Variants in ALDH1A1 observed in about 807,000 individuals in gnomAD.
ALDH1A1 encodes aldehyde dehydrogenase 1A1.
ALDH1A1 carries 19 observed loss-of-function variants against 62.1 expected under a neutral mutation model. The observed-to-expected ratio is 0.31, with a 90% CI of 0.21 to 0.45. ALDH1A1 has a LOEUF of 0.45. Ranked by LOEUF, ALDH1A1 falls within the 20% of genes least tolerant of loss-of-function variation. The pLI is 1.00. For synonymous variants in ALDH1A1, 231 were observed against 215.9 expected, an observed-to-expected ratio of 1.07 and a Z score of -0.61; for missense variants, 521 against 607.1, an observed-to-expected ratio of 0.86 and a Z score of 1.49.
intron 2 of ALDH1A1, among the ~76,000 whole-genome samples, chr9:72,936,806 T>C (rs1242960177): frequency 1.3e-5 from 2 of 152,100 alleles, no homozygotes; most frequent in Non-Finnish European, 2.9e-5. Flanking sequence ...TTCTTAGGTG[T>C]CAAAACTCTT....
chr9:72,925,982 A>T (rs1830200277), intron 5 of ALDH1A1, among the ~76,000 whole-genome samples: 1 of 152,210 alleles, frequency 6.6e-6, no homozygotes, highest in East Asian at 1.9e-4. Context: ...ATTTATTGTA[A>T]TTATTTACCC....
chr9:72,937,060 T>A (rs1174987814), intron 2 of ALDH1A1, among the ~76,000 whole-genome samples: 4 of 152,182 alleles, frequency 2.6e-5, no homozygotes, highest in African/African-American at 9.7e-5. Flanking sequence ...TGAGACAGGC[T>A]AAATTTTGAG....
chr9:72,933,011 A>G (rs1209154015), intron 2 of ALDH1A1, among the ~76,000 whole-genome samples: 1 of 152,240 alleles, frequency 6.6e-6, no homozygotes, highest in Non-Finnish European at 1.5e-5. Context: ...ACATCCCTAA[A>G]GAATGCTGCT....
At chr9:72,952,891 T>C in intron 1 of ALDH1A1, 44 bp downstream of exon 1, 1 of 1,605,794 alleles carries the variant, frequency 6.2e-7, no homozygotes, top group Non-Finnish European at 8.5e-7. Flanking sequence ...TAAATGCAGT[T>C]TTTGCAAACC....
chr9:72,950,506 TTAATC>T (rs1206722304), intron 1 of ALDH1A1, among the ~76,000 whole-genome samples: 4 of 151,916 alleles, frequency 2.6e-5, no homozygotes, highest in African/African-American at 9.7e-5. Context: ...TGATCTCTCT[TTAATC>T]TACCCCAACA....
intron 1 of ALDH1A1, chr9:72,942,441 C>T (rs999522318): frequency 2.2e-6 from 2 of 901,068 alleles, no homozygotes; most frequent in Non-Finnish European, 2.7e-6. Flanking sequence ...CCTAGGTACC[C>T]TTTTGTATCA....
chr9:72,914,540 A>G (rs1300892807), intron 9 of ALDH1A1, among the ~76,000 whole-genome samples: 1 of 152,104 alleles, frequency 6.6e-6, no homozygotes, highest in Non-Finnish European at 1.5e-5. Context: ...ATCTTTCCAC[A>G]CTATTATAAG....
chr9:72,931,156 T>G, intron 2 of ALDH1A1, 137 bp from the exon 3 acceptor site: 4 of 870,032 alleles, frequency 4.6e-6, no homozygotes, highest in Non-Finnish European at 7.0e-6. Context: ...TCTAACACAT[T>G]GCGCACATTC....
chr9:72,917,568 AAAAC>A (rs1167215206), intron 8 of ALDH1A1, among the ~76,000 whole-genome samples: 1 of 152,180 alleles, frequency 6.6e-6, no homozygotes, highest in African/African-American at 2.4e-5. Context: ...GTGGGAAAGA[AAAAC>A]AAAATAAAAC....
chr9:72,945,113 G>A (rs979194209), intron 1 of ALDH1A1, among the ~76,000 whole-genome samples: 26 of 152,140 alleles, frequency 1.7e-4, no homozygotes, highest in African/African-American at 6.3e-4. Context: ...AAGTTATTAT[G>A]TCTTAATGTA....
intron 11 of ALDH1A1, among the ~76,000 whole-genome samples, chr9:72,908,605 AAGAAAGAAAGAAAGAAAG>A (rs1564622891): frequency 9.5e-4 from 134 of 140,678 alleles, no homozygotes; most frequent in Non-Finnish European, 1.2e-3. Flanking sequence ...GAAAGAAAGA[AAGAAAGAAAGAAAGAAAG>A]AAAGAGAATA....
intron 2 of ALDH1A1, among the ~76,000 whole-genome samples, chr9:72,933,326 T>C (rs1260633760): frequency 6.6e-6 from 1 of 152,158 alleles, no homozygotes; most frequent in African/African-American, 2.4e-5. Context: ...TTCAATCAAA[T>C]GGGAGAGACA....
In ALDH1A1 at chr9:72,912,021, G is replaced by C. The variant is rs1455392610; in HGVS notation, c.1137C>G (p.Gly379=). Residue 379 remains glycine (G), a synonymous_variant, in exon 10 of 13, where the codon GGC becomes GGG. Transcript: ENST00000297785. ...AGAACACTGTGGGCTGGACAAAGTA[G>C]CCTTTATTCCCCCACGGGCCTCCTC... ...ECGGGPWGNK[G]YFVQPTVFSN... is the part of the protein sequence containing the mutation. 1 of 1,613,860 alleles carries C rather than the reference G, an allele frequency of 6.2e-7. No individual in the cohort carries two copies. The highest frequency in any genetic ancestry group is 1.3e-5 in the African/African-American group (1 of 74,894).
chr9:72,925,757 T>G (rs907966170), intron 5 of ALDH1A1, 145 bp from the exon 6 acceptor site: 202 of 866,578 alleles, frequency 2.3e-4, no homozygotes, highest in Non-Finnish European at 2.9e-4. Flanking sequence ...ACTTCATTGC[T>G]AAAAGCAACT....
At chr9:72,928,654 C>T (rs962856270) in intron 4 of ALDH1A1, among the ~76,000 whole-genome samples, 1 of 152,160 alleles carries the variant, frequency 6.6e-6, no homozygotes, top group African/African-American at 2.4e-5. Context: ...CTTACTTTGA[C>T]ATTTTCTAAA....
At chr9:72,952,784 C>T in intron 1 of ALDH1A1, 151 bp downstream of exon 1, 1 of 714,126 alleles carries the variant, frequency 1.4e-6, no homozygotes, top group Non-Finnish European at 2.3e-6. Flanking sequence ...TTGATCAGGA[C>T]ACTAAACTGA....
intron 1 of ALDH1A1, among the ~76,000 whole-genome samples, chr9:72,951,180 T>C (rs1451948318): frequency 6.6e-6 from 1 of 151,862 alleles, no homozygotes; most frequent in Non-Finnish European, 1.5e-5. Context: ...TTTGGACACT[T>C]AGGTCAGTCA....
intron 2 of ALDH1A1, among the ~76,000 whole-genome samples, chr9:72,939,932 A>G (rs980488935): frequency 6.6e-6 from 1 of 151,822 alleles, no homozygotes; most frequent in East Asian, 1.9e-4. Context: ...AAAAATCACC[A>G]TGACACCCAG....
At position 72,930,963 on chromosome 9, in the gene ALDH1A1, C is replaced by A; in HGVS notation, c.228G>T (p.Pro76=). 6.2e-7 allele frequency: 1 copy of A among 1,614,036 alleles called. No individual in the cohort carries two copies. Among genetic ancestry groups the A allele is most frequent in the South Asian group, 1.1e-5 (1 of 91,084 alleles). ...TCTCGGAAGCATCCATAGTACGCCA[C>A]GGGGATCCAATCTGAAAAGCCTGTC... ...AARQAFQIGS[P]WRTMDASERG... Residue 76 remains proline, a synonymous_variant, in exon 3 of 13, where the codon CCG becomes CCT. Transcript: ENST00000297785.
Sources: allele counts gnomAD v4.1 joint callset (sites outside exome capture counted in the v4.1 genomes callset), GRCh38; gene constraint gnomAD v4.1.1; transcripts MANE v1.5; gene names NCBI Gene and HGNC (gene_info 2026-07-23, HGNC 2026-07-21).